Variants in KCNN2 observed in about 807,000 individuals in gnomAD.
The protein encoded by KCNN2 is potassium calcium-activated channel subfamily N member 2, also known as small conductance calcium-activated potassium channel protein 2.
A neutral mutation model predicts 55.5 loss-of-function variants in KCNN2; 24 were observed. That is an observed-to-expected ratio of 0.43 (90% CI 0.31 to 0.61). KCNN2 has a LOEUF of 0.61. KCNN2 is among the 20% of genes least tolerant of loss of function. KCNN2 has a pLI of 0.08. For synonymous variants in KCNN2, 431 were observed against 336.1 expected, an observed-to-expected ratio of 1.28 and a Z score of -3.09; for missense variants, 754 against 853.6, an observed-to-expected ratio of 0.88 and a Z score of 1.45.
At chr5:114,157,978 C>T (rs1026102011) in intron 1 of KCNN2, among the ~76,000 whole-genome samples, 1 of 151,810 alleles carries the variant, frequency 6.6e-6, no homozygotes, top group South Asian at 2.1e-4. Flanking sequence ...ATGGTAGTTT[C>T]TTTTGCTGTG....
chr5:114,429,800 A>G (rs1759736992), intron 3 of KCNN2, among the ~76,000 whole-genome samples: 1 of 142,906 alleles, frequency 7.0e-6, no homozygotes, highest in South Asian at 2.2e-4. Context: ...AGAAAGGTGT[A>G]AGGTCTGTAT....
intron 2 of KCNN2, among the ~76,000 whole-genome samples, chr5:114,284,788 G>A (rs971000323): frequency 2.3e-4 from 35 of 151,802 alleles, no homozygotes; most frequent in Non-Finnish European, 4.1e-4. Flanking sequence ...AAAGTGCTAG[G>A]ATTACAGGCG....
At chr5:114,117,898 G>C (rs1751740332) in intron 1 of KCNN2, among the ~76,000 whole-genome samples, 2 of 152,156 alleles carry the variant, frequency 1.3e-5, no homozygotes, top group Non-Finnish European at 2.9e-5. Flanking sequence ...ATAGGTAAGT[G>C]CCCTTATCAT....
chr5:114,071,027 C>T (rs1750557704), intron 1 of KCNN2, among the ~76,000 whole-genome samples: 1 of 152,034 alleles, frequency 6.6e-6, no homozygotes, highest in African/African-American at 2.4e-5. Flanking sequence ...TTTGTGAAAT[C>T]ATAGGGTTTG....
At chr5:114,137,174 T>C (rs1254567189) in intron 1 of KCNN2, among the ~76,000 whole-genome samples, 1 of 152,210 alleles carries the variant, frequency 6.6e-6, no homozygotes, top group African/African-American at 2.4e-5. Context: ...TTGGCTCTTT[T>C]GTTATGCACA....
At chr5:114,333,610 TAA>T (rs60329622) in intron 2 of KCNN2, among the ~76,000 whole-genome samples, 9 of 147,758 alleles carry the variant, frequency 6.1e-5, no homozygotes, top group South Asian at 2.1e-4. Flanking sequence ...GAGATGTTAG[TAA>T]AAAAAAAAAA....
chr5:114,428,047 C>G (rs1340597490), intron 3 of KCNN2, among the ~76,000 whole-genome samples: 1 of 152,170 alleles, frequency 6.6e-6, no homozygotes, highest in Non-Finnish European at 1.5e-5. Flanking sequence ...CCTGTTCTGT[C>G]TGAAGTTAAG....
At chr5:114,418,496 A>G (rs1473945783) in intron 3 of KCNN2, among the ~76,000 whole-genome samples, 1 of 151,720 alleles carries the variant, frequency 6.6e-6, no homozygotes, top group East Asian at 1.9e-4. Context: ...TTCGTCTTTT[A>G]TCTTGGATGT....
chr5:114,183,695 T>G (rs1452575847), intron 1 of KCNN2, among the ~76,000 whole-genome samples: 1 of 152,038 alleles, frequency 6.6e-6, no homozygotes, highest in African/African-American at 2.4e-5. Context: ...ATAAGTCCTT[T>G]CAGTTCTGAT....
intron 2 of KCNN2, among the ~76,000 whole-genome samples, chr5:114,254,274 A>G (rs924614361): frequency 8.5e-5 from 13 of 152,188 alleles, no homozygotes; most frequent in Non-Finnish European, 1.5e-4. Flanking sequence ...AAATAAGCAA[A>G]TGTATTATAA....
At chr5:114,370,320 C>T (rs1757723843) in intron 2 of KCNN2, among the ~76,000 whole-genome samples, 2 of 152,054 alleles carry the variant, frequency 1.3e-5, no homozygotes, top group Non-Finnish European at 1.5e-5. Flanking sequence ...GGTGAAGTCT[C>T]ATTTTATTTA....
At chr5:114,379,885 T>C (rs1222710351) in intron 2 of KCNN2, among the ~76,000 whole-genome samples, 1 of 146,992 alleles carries the variant, frequency 6.8e-6, no homozygotes, top group African/African-American at 2.5e-5. Context: ...ATATATAGCA[T>C]AATTATATTG....
rs10658266 is a variant in KCNN2, at chr5:114,232,925, G to GTTTTTT, written c.-185+11368_-185+11373dup. ...GAGGTAATTTTTTATATTGTTTCTT[G>GTTTTTT]TTTTTTTTTTTTTGAGACGGAGTCT... On this transcript the variant is annotated intron_variant, in intron 2 of 10. Transcript: ENST00000512097. 4.7e-4 allele frequency among the ~76,000 whole-genome samples: 36 copies of GTTTTTT among 76,274 alleles called. 7 individuals are homozygous for GTTTTTT. The highest frequency in any genetic ancestry group is 1.3e-3 in the African/African-American group (29 of 21,870). The allele number at this position is 76,274 out of a possible 152,430, so 50.0% of individuals were successfully genotyped here. A position where few individuals can be genotyped will look rare whatever the true frequency, so the allele number is the denominator to read the frequency against.
At chr5:114,428,263 T>C (rs970982770) in intron 3 of KCNN2, among the ~76,000 whole-genome samples, 1 of 152,198 alleles carries the variant, frequency 6.6e-6, no homozygotes, top group Non-Finnish European at 1.5e-5. Flanking sequence ...GAATAATGAA[T>C]GTATGTGTTT....
intron 1 of KCNN2, among the ~76,000 whole-genome samples, chr5:114,162,723 C>T (rs1057112826): frequency 1.4e-4 from 21 of 152,244 alleles, no homozygotes; most frequent in African/African-American, 3.6e-4. Context: ...CCCCCAGCCT[C>T]GCTGCCACCT....
Position 114,362,962 on chromosome 5 carries a change from G to T in KCNN2, c.823G>T (p.Ala275Ser), listed in dbSNP as rs375471841. ...CGCCGCCGCCGCTGTTTCGTCCTCAGCCCCCGAGATCGTGGTGTCTAAGCC... is the reference window on the plus strand; with the variant it reads ...CGCCGCCGCCGCTGTTTCGTCCTCATCCCCCGAGATCGTGGTGTCTAAGCC... ...AAAAAAVSSS[A>S]PEIVVSKPEH... Residue 275 changes from alanine (A) to serine (S), a missense_variant, in exon 1 of 8, where the codon GCC becomes TCC. By Grantham distance (99) the Ala-to-Ser change is moderately conservative. This residue lies in a region of KCNN2 where 381 missense variants were observed against 259.1 expected (regional missense o/e 1.47). Transcript: ENST00000673685. The T allele has an allele frequency of 3.8e-6, 6 of 1,588,588 alleles. No individual in the cohort carries two copies. The highest frequency in any genetic ancestry group is 5.1e-6 in the Non-Finnish European group (6 of 1,174,246).
chr5:114,059,283 G>A (rs893005681), intron 1 of KCNN2, among the ~76,000 whole-genome samples: 1 of 152,162 alleles, frequency 6.6e-6, no homozygotes. Flanking sequence ...GAAGATTCAC[G>A]TTCAAAGAAA....
chr5:114,192,630 GAGA>G (rs905534350), intron 1 of KCNN2, among the ~76,000 whole-genome samples: 1 of 152,068 alleles, frequency 6.6e-6, no homozygotes, highest in Admixed American at 6.6e-5. Context: ...TCCCTGAAAG[GAGA>G]AGGTTCTTGT....
intron 2 of KCNN2, among the ~76,000 whole-genome samples, chr5:114,394,397 G>A (rs1758554488): frequency 6.6e-6 from 1 of 152,110 alleles, no homozygotes; most frequent in Admixed American, 6.6e-5. Context: ...CTTTGTGATA[G>A]GTGTTGTGAA....
Sources: allele counts gnomAD v4.1 joint callset (sites outside exome capture counted in the v4.1 genomes callset), GRCh38; gene constraint gnomAD v4.1.1; regional missense constraint gnomAD v4.1.1; transcripts MANE v1.5; gene names NCBI Gene and HGNC (gene_info 2026-07-23, HGNC 2026-07-21).